Variants in DLG2 observed in about 807,000 individuals in gnomAD.
DLG2 encodes disks large homolog 2.
Under a neutral mutation model 132.5 loss-of-function variants are expected in DLG2, and 45 were observed. That is an observed-to-expected ratio of 0.34 (90% CI 0.27 to 0.44). The LOEUF is 0.44. Among genes scored for constraint, DLG2 ranks in the 20% least tolerant of loss-of-function variants. The pLI is 1.00. For synonymous variants in DLG2, 424 were observed against 419.6 expected (o/e 1.01, Z -0.13); for missense variants, 1,045 against 1,196.9 (o/e 0.87, Z 1.87).
At chr11:84,379,126 A>G (rs1364089553) in intron 7 of DLG2, among the ~76,000 whole-genome samples, 1 of 152,174 alleles carries the variant, frequency 6.6e-6, no homozygotes, top group African/African-American at 2.4e-5. Flanking sequence ...CATAAACTCT[A>G]AATAAATGGG....
In DLG2 at chr11:84,009,263, T is replaced by A. The variant is rs188860245; in HGVS notation, c.920-28621A>T. Among the ~76,000 whole-genome samples the A allele has an allele frequency of 2.0e-5, 3 of 152,098 alleles. No individual in the cohort carries two copies. In the East Asian group the frequency reaches 5.8e-4, roughly 30 times the overall value. On this transcript the variant is annotated intron_variant, in intron 11 of 27. Transcript: ENST00000376104. Reference sequence around the variant, plus strand: ...ATATAAATCCCTCTCACATTTGCCATGATATTTTGGCATTCAAGATGCAAA... The same window carrying A: ...ATATAAATCCCTCTCACATTTGCCAAGATATTTTGGCATTCAAGATGCAAA...
chr11:84,588,386 T>C (rs942610159), intron 6 of DLG2, among the ~76,000 whole-genome samples: 2 of 152,190 alleles, frequency 1.3e-5, no homozygotes, highest in African/African-American at 4.8e-5. Context: ...GTATTCTTAG[T>C]GTTTCTATGA....
chr11:85,465,928 T>C (rs1344354212), intron 3 of DLG2, among the ~76,000 whole-genome samples: 2 of 152,150 alleles, frequency 1.3e-5, no homozygotes, highest in African/African-American at 4.8e-5. Context: ...ACCAACAGTG[T>C]AAAAGTGTTC....
chr11:83,950,432 TAA>T (rs35884504), intron 14 of DLG2, among the ~76,000 whole-genome samples: 1 of 152,116 alleles, frequency 6.6e-6, no homozygotes, highest in Non-Finnish European at 1.5e-5. Context: ...CTGCCTCTAC[TAA>T]AAATACAAGA....
At chr11:85,023,261 T>C (rs1233615428) in intron 6 of DLG2, among the ~76,000 whole-genome samples, 2 of 152,076 alleles carry the variant, frequency 1.3e-5, no homozygotes, top group African/African-American at 2.4e-5. Flanking sequence ...TTTATGTATG[T>C]CCTTAGGCTT....
intron 6 of DLG2, among the ~76,000 whole-genome samples, chr11:84,779,358 T>G (rs1208928440): frequency 6.6e-6 from 1 of 152,210 alleles, no homozygotes. Context: ...TATTTCTTTA[T>G]CTGCTAGATC....
At chr11:83,616,640 G>A (rs959363989) in intron 19 of DLG2, among the ~76,000 whole-genome samples, 3 of 152,034 alleles carry the variant, frequency 2.0e-5, no homozygotes, top group Non-Finnish European at 4.4e-5. Context: ...GATGAACAGA[G>A]GTTTGTATTT....
intron 18 of DLG2, among the ~76,000 whole-genome samples, chr11:83,723,200 A>T (rs960137829): frequency 1.3e-5 from 2 of 151,482 alleles, no homozygotes; most frequent in Non-Finnish European, 2.9e-5. Context: ...GGCCAACATG[A>T]TGAAACCCCA....
At chr11:85,538,558 C>T (rs2075761053) in intron 3 of DLG2, among the ~76,000 whole-genome samples, 1 of 151,808 alleles carries the variant, frequency 6.6e-6, no homozygotes, top group South Asian at 2.1e-4. Context: ...CATTGCAGCA[C>T]TTTTCACAAT....
At chr11:83,951,897 G>C (rs1437201585) in intron 14 of DLG2, among the ~76,000 whole-genome samples, 1 of 152,150 alleles carries the variant, frequency 6.6e-6, no homozygotes, top group Non-Finnish European at 1.5e-5. Context: ...TGCTGGTAGT[G>C]GAATGTGGCA....
chr11:83,478,177 GAATA>G (rs1206740663), intron 22 of DLG2, among the ~76,000 whole-genome samples: 3 of 152,210 alleles, frequency 2.0e-5, no homozygotes, highest in Non-Finnish European at 4.4e-5. Context: ...GGTACCGAAT[GAATA>G]AATAAACATT....
chr11:84,889,359 G>A (rs2088912544), intron 6 of DLG2, among the ~76,000 whole-genome samples: 1 of 152,236 alleles, frequency 6.6e-6, no homozygotes, highest in Non-Finnish European at 1.5e-5. Context: ...TGGTGAGGGG[G>A]AGATTTAAAC....
intron 18 of DLG2, among the ~76,000 whole-genome samples, chr11:83,704,654 TAAAAAAAAA>T (rs769615246): frequency 9.4e-6 from 1 of 105,990 alleles, no homozygotes; most frequent in Non-Finnish European, 1.9e-5. Flanking sequence ...CCGTCTCTAC[TAAAAAAAAA>T]AAAAAAAAAA....
chr11:84,607,749 T>C (rs2099588351), intron 6 of DLG2, among the ~76,000 whole-genome samples: 1 of 152,006 alleles, frequency 6.6e-6, no homozygotes, highest in South Asian at 2.1e-4. Flanking sequence ...TAAGTATTGA[T>C]CCCCATATCT....
chr11:84,216,529 T>C (rs2096837728), intron 8 of DLG2, among the ~76,000 whole-genome samples: 1 of 152,198 alleles, frequency 6.6e-6, no homozygotes, highest in Non-Finnish European at 1.5e-5. Context: ...ACACATACTT[T>C]CAATGGATTT....
chr11:85,530,973 G>T (rs2075165636), intron 3 of DLG2, among the ~76,000 whole-genome samples: 1 of 152,140 alleles, frequency 6.6e-6, no homozygotes, highest in African/African-American at 2.4e-5. Flanking sequence ...GAACTTCTTA[G>T]AGGCTTTCTG....
Position 84,366,718 on chromosome 11 carries a change from C to T in DLG2, c.520-115427G>A, listed in dbSNP as rs989840297. ...CAAAGATCAAAAGAGATAAAGAAGG[C>T]CATTACATAATGGTAAAGGGATCAA... is the stretch of plus-strand genomic sequence containing the variant. On this transcript the variant is annotated intron_variant, in intron 7 of 27. Transcript: ENST00000376104. Among the ~76,000 whole-genome samples, 64 of 151,994 alleles carry T rather than the reference C, an allele frequency of 4.2e-4. 1 individual carries two copies. Among genetic ancestry groups the T allele is most frequent in the African/African-American group, 1.4e-3 (58 of 41,378 alleles).
intron 5 of DLG2, among the ~76,000 whole-genome samples, chr11:85,132,530 A>G (rs1341592547): frequency 2.0e-5 from 3 of 152,158 alleles, no homozygotes; most frequent in Admixed American, 2.0e-4. Flanking sequence ...AACAAAAAAC[A>G]AAAAAACAGG....
chr11:84,923,572 G>A (rs1024896997), intron 6 of DLG2: 29 of 994,640 alleles, frequency 2.9e-5, no homozygotes, highest in Non-Finnish European at 3.5e-5. Context: ...CAATGGGATC[G>A]CATCGCAGAC....
Sources: allele counts gnomAD v4.1 joint callset (sites outside exome capture counted in the v4.1 genomes callset), GRCh38; gene constraint gnomAD v4.1.1; transcripts MANE v1.5; gene names NCBI Gene and HGNC (gene_info 2026-07-23, HGNC 2026-07-21).